TEN1: variants seen among roughly 807,000 people sequenced by gnomAD.
The protein encoded by TEN1 is TEN1 subunit of CST complex, also known as CST complex subunit TEN1.
In TEN1, 6 loss-of-function variants were observed where a neutral mutation model predicts 9.3. That is an observed-to-expected ratio of 0.65 (90% CI 0.35 to 1.27). The LOEUF is 1.27. Ranked by LOEUF, TEN1 falls within the 50% of genes most tolerant of loss-of-function variation. The pLI is 0.03. For synonymous variants in TEN1, 65 were observed against 65.6 expected (o/e 0.99, Z 0.04); for missense variants, 149 against 158.2 (o/e 0.94, Z 0.31).
intron 3 of TEN1, among the ~76,000 whole-genome samples, chr17:75,993,600 A>G (rs988014045): frequency 6.6e-6 from 1 of 152,154 alleles, no homozygotes; most frequent in African/African-American, 2.4e-5. Context: ...TGGCCTGATC[A>G]ATGTCGACGT....
Position 76,000,220 on chromosome 17 carries a change from G to A in TEN1, c.330G>A (p.Arg110=). 1.3e-6 allele frequency: 2 copies of A among 1,551,462 alleles called. No individual in the cohort carries two copies. Among genetic ancestry groups the A allele is most frequent in the Non-Finnish European group, 8.7e-7 (1 of 1,146,976 alleles). The part of the protein sequence containing the change: ...MNLPLLEQAI[R]EQRLYKQERG... ...TGCCCTTGTTGGAACAAGCCATCCG[G>A]GAGCAGAGACTGTACAAGCAGGAGC... The change falls in exon 4 of 4, where the codon CGG becomes CGA. Residue 110 remains arginine, a synonymous_variant. Transcript: ENST00000397640. This position sits in a 1 kb window ranked among gnomAD's most constrained non-coding sequence, Gnocchi z 5.9.
chr17:75,984,225 C>A (rs2066138814), intron 1 of TEN1, among the ~76,000 whole-genome samples: 1 of 152,164 alleles, frequency 6.6e-6, no homozygotes, highest in Non-Finnish European at 1.5e-5. Flanking sequence ...CTCACTGATA[C>A]AATTTTTGCA....
At chr17:75,993,540 C>T (rs892186228) in intron 3 of TEN1, among the ~76,000 whole-genome samples, 10 of 152,202 alleles carry the variant, frequency 6.6e-5, no homozygotes, top group African/African-American at 2.2e-4. Flanking sequence ...CATTAGGAAA[C>T]ATCTTGATGA....
intron 3 of TEN1, 112 bp downstream of exon 3, chr17:75,991,735 T>C: frequency 7.8e-7 from 1 of 1,277,782 alleles, no homozygotes; most frequent in Non-Finnish European, 1.1e-6. Flanking sequence ...CTCATCAGGG[T>C]TAATGTTTCT....
chr17:75,990,430 C>T (rs895851132), intron 2 of TEN1, among the ~76,000 whole-genome samples: 1 of 151,602 alleles, frequency 6.6e-6, no homozygotes, highest in Non-Finnish European at 1.5e-5. Flanking sequence ...TCATAGATTA[C>T]AAGCTAAGAC....
intron 1 of TEN1, among the ~76,000 whole-genome samples, chr17:75,981,430 G>A (rs553514838): frequency 2.0e-5 from 3 of 151,958 alleles, no homozygotes; most frequent in African/African-American, 4.8e-5. Flanking sequence ...CATGTGATCC[G>A]CTCGCCTCAG....
intron 3 of TEN1, among the ~76,000 whole-genome samples, chr17:75,999,602 C>T (rs2066240598): frequency 6.6e-6 from 1 of 152,078 alleles, no homozygotes; most frequent in Non-Finnish European, 1.5e-5. Flanking sequence ...CTTGGCCTCC[C>T]AAAGTGCTGA....
intron 2 of TEN1, among the ~76,000 whole-genome samples, chr17:75,988,985 C>T (rs562782400): frequency 6.6e-6 from 1 of 152,174 alleles, no homozygotes; most frequent in African/African-American, 2.4e-5. Flanking sequence ...CTTGGCCAGG[C>T]TGGTCTCGAA....
chr17:75,989,807 C>T (rs761185051), intron 2 of TEN1, among the ~76,000 whole-genome samples: 7 of 151,788 alleles, frequency 4.6e-5, no homozygotes, highest in East Asian at 1.9e-4. Flanking sequence ...CTGTGTCGCC[C>T]AGGCTGAAGT....
intron 3 of TEN1, among the ~76,000 whole-genome samples, chr17:75,993,096 G>C (rs1482872092): frequency 6.7e-6 from 1 of 148,998 alleles, no homozygotes; most frequent in Non-Finnish European, 1.5e-5. Context: ...GGTTGATGAA[G>C]GAAAGTTATT....
intron 3 of TEN1, among the ~76,000 whole-genome samples, chr17:75,993,656 A>G (rs1352188161): frequency 1.3e-5 from 2 of 152,180 alleles, no homozygotes; most frequent in East Asian, 1.9e-4. Context: ...GATGTGAGTC[A>G]TGAGGAAGAC....
chr17:75,986,293 G>A lies in TEN1; in HGVS notation c.92+9G>A, dbSNP rs752325518. 1.4e-4 allele frequency: 212 copies of A among 1,541,160 alleles called. No individual in the cohort carries two copies. The highest frequency in any genetic ancestry group is 1.8e-4 in the Non-Finnish European group (205 of 1,141,962). On this transcript the variant is annotated intron_variant, in intron 2 of 3. Transcript: ENST00000397640. ...CTGAGAACATTTGGCAGGTGAGAACGGTTATTTTTTTCACTGGTGGGGGTG... is the reference window on the plus strand; with the variant it reads ...CTGAGAACATTTGGCAGGTGAGAACAGTTATTTTTTTCACTGGTGGGGGTG...
chr17:75,979,500 C>T lies in TEN1; in HGVS notation c.-18C>T. 3.0e-6 allele frequency: 1 copy of T among 329,772 alleles called. No homozygotes were observed. The highest frequency in any genetic ancestry group is 2.4e-5 in the South Asian group (1 of 41,530). 20.4% of individuals were successfully genotyped at this position (329,772 alleles called of 1,614,324 possible). On this transcript the variant is annotated 5_prime_UTR_variant, in exon 1 of 4. The change creates a new upstream start codon in the 5' untranslated region. Coordinates refer to ENST00000397640, the MANE Select transcript of TEN1 (RefSeq NM_001113324.3). ...AAAGAAGAAATCCGAGGACCGGCGA[C>T]GCCTAGAACAGGTTGGCTGGGGCCT...
At chr17:75,995,621 CT>C (rs1567898913) in intron 3 of TEN1, among the ~76,000 whole-genome samples, 1 of 152,226 alleles carries the variant, frequency 6.6e-6, no homozygotes, top group African/African-American at 2.4e-5. Flanking sequence ...CGAGGGCCCC[CT>C]GTTCTGGAAC....
intron 2 of TEN1, among the ~76,000 whole-genome samples, chr17:75,987,053 G>C (rs564024916): frequency 1.3e-5 from 2 of 152,254 alleles, no homozygotes; most frequent in Admixed American, 6.5e-5. Flanking sequence ...CTAACTCCTG[G>C]GCTCAAGCGA....
At chr17:75,995,321 G>A (rs1387314515) in intron 3 of TEN1, among the ~76,000 whole-genome samples, 1 of 152,030 alleles carries the variant, frequency 6.6e-6, no homozygotes, top group Non-Finnish European at 1.5e-5. Context: ...GAGCCCAGGA[G>A]TTCAAGACCA....
At chr17:75,980,107 C>A (rs2066105903) in intron 1 of TEN1, among the ~76,000 whole-genome samples, 1 of 152,150 alleles carries the variant, frequency 6.6e-6, no homozygotes, top group East Asian at 1.9e-4. Flanking sequence ...GAGGACGAGG[C>A]GGGCGTATCA....
intron 1 of TEN1, chr17:75,984,491 C>A (rs923293606): frequency 6.6e-6 from 1 of 152,176 alleles, no homozygotes; most frequent in Non-Finnish European, 1.5e-5. Context: ...CTCGACCTCG[C>A]AGACTCAAGC....
At chr17:75,993,977 A>G (rs2066203186) in intron 3 of TEN1, among the ~76,000 whole-genome samples, 1 of 151,250 alleles carries the variant, frequency 6.6e-6, no homozygotes. Flanking sequence ...CCAGCCTGGC[A>G]GAGCGAGACT....
Sources: allele counts gnomAD v4.1 joint callset (sites outside exome capture counted in the v4.1 genomes callset), GRCh38; gene constraint gnomAD v4.1.1; non-coding constraint Gnocchi (gnomAD v3.1); transcripts MANE v1.5; gene names NCBI Gene and HGNC (gene_info 2026-07-23, HGNC 2026-07-21).